KAZN: variants seen among roughly 807,000 people sequenced by gnomAD.
The protein encoded by KAZN is kazrin.
Under a neutral mutation model 87.4 loss-of-function variants are expected in KAZN, and 40 were observed. The ratio of observed to expected loss-of-function variants is 0.46; its 90% CI spans 0.36 to 0.60. The LOEUF (loss-of-function observed/expected upper bound fraction) is 0.60. KAZN is among the 20% of genes least tolerant of loss of function. The pLI is 0.00. For synonymous variants in KAZN, 466 were observed against 458.3 expected (o/e 1.02, Z -0.22); for missense variants, 898 against 1,073.9 (o/e 0.84, Z 2.29).
chr1:14,595,215 T>TG (rs1049792255), upstream of KAZN, among the ~76,000 whole-genome samples: 13 of 151,894 alleles, frequency 8.6e-5, no homozygotes, highest in East Asian at 9.7e-4. Flanking sequence ...AGTTACCTTA[T>TG]GGGGGGGCAG....
chr1:14,957,498 G>A (rs932578179), intron 1 of KAZN, among the ~76,000 whole-genome samples: 7 of 152,228 alleles, frequency 4.6e-5, no homozygotes, highest in African/African-American at 1.4e-4. Flanking sequence ...ATTGGGCCCC[G>A]CTCTCGGATC....
intron 2 of KAZN, among the ~76,000 whole-genome samples, chr1:14,359,856 GC>G (rs1442378868): frequency 6.6e-6 from 1 of 152,128 alleles, no homozygotes; most frequent in African/African-American, 2.4e-5. Context: ...TTTCTCTCTG[GC>G]TGCACTTAAC....
intron 1 of KAZN, among the ~76,000 whole-genome samples, chr1:14,878,830 G>T (rs1226842593): frequency 6.6e-6 from 1 of 152,118 alleles, no homozygotes; most frequent in Admixed American, 6.6e-5. Flanking sequence ...ACATCCCACT[G>T]GGAATAGGAA....
intron 1 of KAZN, among the ~76,000 whole-genome samples, chr1:14,085,366 A>T (rs1402889644): frequency 1.3e-5 from 2 of 152,166 alleles, no homozygotes; most frequent in Non-Finnish European, 2.9e-5. Flanking sequence ...ACCGCCACCA[A>T]TGTGAAATAG....
chr1:14,989,653 C>G (rs887791474), intron 2 of KAZN, among the ~76,000 whole-genome samples: 1 of 152,124 alleles, frequency 6.6e-6, no homozygotes, highest in African/African-American at 2.4e-5. Context: ...CTCTGTGACT[C>G]AGTTGGTTCA....
intron 1 of KAZN, among the ~76,000 whole-genome samples, chr1:14,677,184 T>A (rs1640277956): frequency 6.6e-6 from 1 of 152,164 alleles, no homozygotes; most frequent in South Asian, 2.1e-4. Flanking sequence ...AGGCCCATGA[T>A]CAAGGTTACA....
chr1:14,745,603 G>A (rs989623973), intron 1 of KAZN, among the ~76,000 whole-genome samples: 1 of 152,140 alleles, frequency 6.6e-6, no homozygotes, highest in Non-Finnish European at 1.5e-5. Flanking sequence ...ACTGCTTCTC[G>A]GGGCTATACA....
intron 2 of KAZN, among the ~76,000 whole-genome samples, chr1:14,398,776 T>A (rs115032423): frequency 0.013 from 1,979 of 152,314 alleles, 50 homozygotes; most frequent in African/African-American, 0.043. Flanking sequence ...AGAGAATGGC[T>A]ATCAACAACC....
chr1:14,000,869 G>A (rs1461466460), intron 1 of KAZN, among the ~76,000 whole-genome samples: 4 of 151,296 alleles, frequency 2.6e-5, no homozygotes, highest in Admixed American at 6.6e-5. Flanking sequence ...TGCAAGCTCC[G>A]CCTCCCGGGT....
At chr1:13,931,485 T>C (rs895586600) in intron 1 of KAZN, among the ~76,000 whole-genome samples, 1 of 151,894 alleles carries the variant, frequency 6.6e-6, no homozygotes, top group African/African-American at 2.4e-5. Flanking sequence ...TGTGTGTGCA[T>C]GCATGTGTGT....
intron 1 of KAZN, among the ~76,000 whole-genome samples, chr1:14,902,030 G>A (rs1655983311): frequency 6.6e-6 from 1 of 152,098 alleles, no homozygotes; most frequent in African/African-American, 2.4e-5. Context: ...CACAGAGATG[G>A]CCAACCCACC....
intron 1 of KAZN, among the ~76,000 whole-genome samples, chr1:14,658,035 G>C (rs1638914636): frequency 6.6e-6 from 1 of 152,204 alleles, no homozygotes; most frequent in Admixed American, 6.5e-5. Context: ...TGGTGTCCCA[G>C]ACCCTGGAAA....
intron 2 of KAZN, among the ~76,000 whole-genome samples, chr1:14,450,943 C>T (rs528466060): frequency 2.6e-5 from 4 of 151,864 alleles, no homozygotes; most frequent in East Asian, 1.9e-4. Flanking sequence ...GCTGTCCTCC[C>T]GATAGTGAGC....
chr1:14,213,805 C>T (rs1396918603), intron 2 of KAZN, among the ~76,000 whole-genome samples: 3 of 152,106 alleles, frequency 2.0e-5, no homozygotes, highest in Non-Finnish European at 4.4e-5. Flanking sequence ...ATGAGGCTAC[C>T]TGTGGTGGCC....
intron 2 of KAZN, among the ~76,000 whole-genome samples, chr1:14,589,434 C>T (rs1262166133): frequency 6.6e-6 from 1 of 151,986 alleles, no homozygotes; most frequent in African/African-American, 2.4e-5. Context: ...GGCCATTGAA[C>T]AAAATATCTC....
At chr1:14,346,217 G>A (rs187545804) in intron 2 of KAZN, among the ~76,000 whole-genome samples, 7 of 152,278 alleles carry the variant, frequency 4.6e-5, no homozygotes, top group Non-Finnish European at 1.0e-4. Flanking sequence ...AAATGCACAA[G>A]ACTCTTCCCA....
intron 1 of KAZN, among the ~76,000 whole-genome samples, chr1:14,704,001 G>C (rs1003512344): frequency 6.6e-6 from 1 of 152,242 alleles, no homozygotes; most frequent in African/African-American, 2.4e-5. Context: ...CTCCTACCAA[G>C]TCCAGGATTA....
chr1:14,472,998 T>G (rs1410197370), intron 2 of KAZN, among the ~76,000 whole-genome samples: 1 of 152,112 alleles, frequency 6.6e-6, no homozygotes, highest in African/African-American at 2.4e-5. Flanking sequence ...ACCTTTCAGT[T>G]TCCTAATGTC....
At chr1:13,989,542 G>A (rs1372462243) in intron 1 of KAZN, among the ~76,000 whole-genome samples, 2 of 152,060 alleles carry the variant, frequency 1.3e-5, no homozygotes, top group Non-Finnish European at 2.9e-5. Flanking sequence ...AATTTTTCAG[G>A]GTTGGGTTAT....
Sources: allele counts gnomAD v4.1 joint callset (sites outside exome capture counted in the v4.1 genomes callset), GRCh38; gene constraint gnomAD v4.1.1; transcripts MANE v1.5; gene names NCBI Gene and HGNC (gene_info 2026-07-23, HGNC 2026-07-21).